The following LRFN5 variants were observed in gnomAD, a reference collection of about 807,000 sequenced individuals.
LRFN5 encodes leucine-rich repeat and fibronectin type-III domain-containing protein 5.
In LRFN5, 24 loss-of-function variants were observed where a neutral mutation model predicts 45.6. That is an observed-to-expected ratio of 0.53 (90% CI 0.38 to 0.74). The LOEUF is 0.74. Ranked by LOEUF, LRFN5 falls within the 30% of genes least tolerant of loss-of-function variation. The pLI is 0.00. For missense variants in LRFN5, 776 were observed against 861.5 expected, an observed-to-expected ratio of 0.90 and a Z score of 1.24; for synonymous variants, 340 against 313.8, an observed-to-expected ratio of 1.08 and a Z score of -0.88.
At chr14:41,694,335 C>T (rs1031181341) in intron 1 of LRFN5, among the ~76,000 whole-genome samples, 1 of 151,892 alleles carries the variant, frequency 6.6e-6, no homozygotes, top group East Asian at 1.9e-4. Context: ...CTCCTCAGTA[C>T]GTTGCTTACC....
At chr14:41,846,214 G>GACACACACACACAC (rs61090774) in intron 2 of LRFN5, among the ~76,000 whole-genome samples, 2 of 150,382 alleles carry the variant, frequency 1.3e-5, no homozygotes, top group African/African-American at 2.4e-5. Flanking sequence ...TGTTTACACA[G>GACACACACACACAC]ACACACACAC....
intron 1 of LRFN5, among the ~76,000 whole-genome samples, chr14:41,675,370 G>A (rs1881573966): frequency 6.6e-6 from 1 of 152,262 alleles, no homozygotes; most frequent in African/African-American, 2.4e-5. Flanking sequence ...GGAGGCCGAG[G>A]CTGGCGGATC....
intron 1 of LRFN5, chr14:41,610,270 C>T (rs1887694813): frequency 6.6e-6 from 1 of 152,170 alleles, no homozygotes; most frequent in Non-Finnish European, 1.5e-5. Flanking sequence ...TCTCCCTCCC[C>T]GCGACAATGA....
At chr14:41,751,917 C>A (rs7147822) in intron 1 of LRFN5, among the ~76,000 whole-genome samples, 2 of 151,830 alleles carry the variant, frequency 1.3e-5, no homozygotes. Context: ...CTCCCCTCTC[C>A]CGCCAACCCA....
chr14:41,765,589 C>A (rs1313227926), intron 1 of LRFN5, among the ~76,000 whole-genome samples: 3 of 152,064 alleles, frequency 2.0e-5, no homozygotes, highest in Non-Finnish European at 4.4e-5. Flanking sequence ...AAAATATATT[C>A]ATGGAAGGAA....
chr14:41,876,561 G>T (rs1385708984), intron 2 of LRFN5, among the ~76,000 whole-genome samples: 1 of 151,766 alleles, frequency 6.6e-6, no homozygotes, highest in East Asian at 2.0e-4. Flanking sequence ...CTCCCAAAGT[G>T]TTGGGATTAC....
At chr14:41,752,402 G>A (rs867111373) in intron 1 of LRFN5, among the ~76,000 whole-genome samples, 1 of 152,050 alleles carries the variant, frequency 6.6e-6, no homozygotes, top group Non-Finnish European at 1.5e-5. Flanking sequence ...GTGTTCCTAT[G>A]TCTCCACATC....
chr14:41,771,571 T>C (rs960804737), intron 2 of LRFN5, among the ~76,000 whole-genome samples: 1 of 152,092 alleles, frequency 6.6e-6, no homozygotes, highest in Non-Finnish European at 1.5e-5. Flanking sequence ...AAGTCATCAC[T>C]CTTAATTATC....
chr14:41,887,788 A>G lies in LRFN5; in HGVS notation c.1163A>G (p.His388Arg), dbSNP rs1890629586. 1.9e-6 allele frequency: 3 copies of G among 1,614,034 alleles called. No homozygotes were observed. The highest frequency in any genetic ancestry group is 2.2e-5 in the East Asian group (1 of 44,870). ...TTACTAAATAGTACAAACCATATCC[A>G]TGAGCCTGATCCTGGTTCTTCAGAT... ...PHLLNSTNHI[H>R]EPDPGSSDIS... The change falls in exon 3 of 6, where the codon CAT becomes CGT. Residue 388 changes from histidine to arginine, a missense_variant. Physicochemically the swap from His to Arg is conservative, Grantham distance 29 (BLOSUM62 0). Transcript: ENST00000298119. This position sits in a 1 kb window ranked among gnomAD's most constrained non-coding sequence, Gnocchi z 4.8.
chr14:41,727,594 C>G (rs1464994234), intron 1 of LRFN5, among the ~76,000 whole-genome samples: 1 of 151,838 alleles, frequency 6.6e-6, no homozygotes, highest in Non-Finnish European at 1.5e-5. Flanking sequence ...CCACTTCACT[C>G]CAACATAGAC....
intron 1 of LRFN5, among the ~76,000 whole-genome samples, chr14:41,688,860 C>T (rs1882237164): frequency 1.3e-5 from 2 of 149,776 alleles, no homozygotes; most frequent in African/African-American, 4.9e-5. Flanking sequence ...TCTCTTGAGG[C>T]CAGCAGTTCA....
At chr14:41,656,217 A>G (rs74045187) in intron 1 of LRFN5, among the ~76,000 whole-genome samples, 2,902 of 152,056 alleles carry the variant, frequency 0.019, 81 homozygotes, top group African/African-American at 0.066. Flanking sequence ...TTTACCTCCC[A>G]AGGCTATTAT....
chr14:41,756,586 G>A (rs1170497118), intron 1 of LRFN5, among the ~76,000 whole-genome samples: 5 of 152,156 alleles, frequency 3.3e-5, no homozygotes, highest in South Asian at 4.2e-4. Context: ...CGTAGTTCTC[G>A]TGCCATGGTT....
At chr14:41,771,746 A>C (rs536227966) in intron 2 of LRFN5, among the ~76,000 whole-genome samples, 1 of 152,186 alleles carries the variant, frequency 6.6e-6, no homozygotes, top group South Asian at 2.1e-4. Context: ...TTTGGTCAAA[A>C]CCATTTAACC....
In LRFN5 at chr14:41,904,394, G is replaced by A. The variant is rs1473514701; in HGVS notation, c.*219G>A. 4.3e-6 allele frequency: 2 copies of A among 465,108 alleles called. No individual in the cohort carries two copies. The highest frequency in any genetic ancestry group is 4.0e-5 in the African/African-American group (2 of 49,418). 28.8% of individuals were successfully genotyped at this position (465,108 alleles called of 1,614,324 possible). On this transcript the variant is annotated 3_prime_UTR_variant, in exon 6 of 6. Coordinates refer to ENST00000298119, the MANE Select transcript of LRFN5 (RefSeq NM_152447.5). ...TAAAACCAAATTTTTTTTTCTTCTGGCCTACAAGTATTTTTTTTTTAAAAA... is the reference window on the plus strand; with the variant it reads ...TAAAACCAAATTTTTTTTTCTTCTGACCTACAAGTATTTTTTTTTTAAAAA...
chr14:41,739,518 G>A (rs1231035016), intron 1 of LRFN5, among the ~76,000 whole-genome samples: 1 of 151,542 alleles, frequency 6.6e-6, no homozygotes, highest in Non-Finnish European at 1.5e-5. Flanking sequence ...CTTGAGACAA[G>A]GAAAAATGGA....
chr14:41,761,171 C>G (rs1040032084), intron 1 of LRFN5, among the ~76,000 whole-genome samples: 1 of 151,668 alleles, frequency 6.6e-6, no homozygotes, highest in Admixed American at 6.6e-5. Flanking sequence ...CACAGTGACA[C>G]CCTGATGTAG....
intron 1 of LRFN5, among the ~76,000 whole-genome samples, chr14:41,702,646 T>C (rs1882885917): frequency 6.6e-6 from 1 of 151,790 alleles, no homozygotes. Flanking sequence ...TTTTTATTTT[T>C]TTGAGATGGG....
chr14:41,668,414 T>A (rs548321983), intron 1 of LRFN5, among the ~76,000 whole-genome samples: 1 of 152,296 alleles, frequency 6.6e-6, no homozygotes, highest in African/African-American at 2.4e-5. Flanking sequence ...AGCTCCCTAC[T>A]TTATAACCTT....
Sources: allele counts gnomAD v4.1 joint callset (sites outside exome capture counted in the v4.1 genomes callset), GRCh38; gene constraint gnomAD v4.1.1; non-coding constraint Gnocchi (gnomAD v3.1); transcripts MANE v1.5; gene names NCBI Gene and HGNC (gene_info 2026-07-23, HGNC 2026-07-21).